The following MTCL1 variants were observed in gnomAD, a reference collection of about 807,000 sequenced individuals.
The protein encoded by MTCL1 is microtubule crosslinking factor 1, also known as microtubule cross-linking factor 1.
In MTCL1, 79 loss-of-function variants were observed where a neutral mutation model predicts 141.4. That is an observed-to-expected ratio of 0.56 (90% CI 0.47 to 0.67). The LOEUF (loss-of-function observed/expected upper bound fraction) is 0.67, where lower values mean the gene tolerates loss of function less well. MTCL1 is among the 30% of genes least tolerant of loss of function. The pLI is 0.00. For missense variants in MTCL1, 2,177 were observed against 2,113.9 expected, an observed-to-expected ratio of 1.03 and a Z score of -0.59; for synonymous variants, 914 against 875.8, an observed-to-expected ratio of 1.04 and a Z score of -0.77.
intron 4 of MTCL1, among the ~76,000 whole-genome samples, 172 bp from the exon 4 acceptor site, chr18:8,777,661 G>A (rs959351405): frequency 2.0e-5 from 3 of 152,182 alleles, no homozygotes; most frequent in Middle Eastern, 3.2e-3. Context: ...TTTACACATT[G>A]ATGCTTCTTG....
In MTCL1 at chr18:8,761,017, T is replaced by A. The variant is rs559274456; in HGVS notation, c.358-16816T>A. On this transcript the variant is annotated intron_variant, in intron 4 of 16. Coordinates refer to ENST00000359865, the Ensembl canonical transcript of MTCL1. ...TTTTAAATGTGTGTCACCATTTTTTTAAAAAGTAAGGTCTTTGGAGAAAAA... is the reference window on the plus strand; with the variant it reads ...TTTTAAATGTGTGTCACCATTTTTTAAAAAAGTAAGGTCTTTGGAGAAAAA... Among the ~76,000 whole-genome samples the A allele has an allele frequency of 1.2e-4, 18 of 152,342 alleles. No individual in the cohort carries two copies. In the South Asian group the frequency reaches 3.1e-3, roughly 26 times the overall value.
rs932572135 is a variant in MTCL1 at position 8,831,689 on chromosome 18, C to G, written c.*101C>G. On this transcript the variant is annotated 3_prime_UTR_variant, in exon 17 of 17. Transcript: ENST00000359865. ...AGACCAGCAAACCGTCGCCCTCCGT[C>G]CCGTTGGGCCCCACATTCCCCCACT... is the stretch of plus-strand genomic sequence containing the variant. 1.0e-5 allele frequency: 16 copies of G among 1,550,524 alleles called. No individual in the cohort carries two copies. The Middle Eastern group carries it at 6.7e-4, about 64-fold the overall frequency.
At chr18:8,792,780 A>G (rs1327368005) in intron 7 of MTCL1, among the ~76,000 whole-genome samples, 3 of 152,152 alleles carry the variant, frequency 2.0e-5, no homozygotes, top group African/African-American at 7.2e-5. Flanking sequence ...TAAGAGATGC[A>G]GGGCAGGTGG....
In MTCL1 at chr18:8,726,526, A is replaced by C. The variant is rs557617186; in HGVS notation, c.357+6030A>C. ...GCGCGCGCAAGAGCGAGCGAGAGAGAGCGAGTGCGCATGCGCGCGCGCAAC... is the reference window on the plus strand; with the variant it reads ...GCGCGCGCAAGAGCGAGCGAGAGAGCGCGAGTGCGCATGCGCGCGCGCAAC... On this transcript the variant is annotated intron_variant, in intron 4 of 16. Transcript: ENST00000359865. Among the ~76,000 whole-genome samples the C allele has an allele frequency of 6.4e-4, 77 of 120,674 alleles. 1 individual carries two copies. In the Middle Eastern group the frequency reaches 0.024, roughly 38 times the overall value. 79.2% of individuals were successfully genotyped at this position (120,674 alleles called of 152,430 possible).
At chr18:8,752,563 G>C (rs1337912405) in intron 4 of MTCL1, among the ~76,000 whole-genome samples, 1 of 152,186 alleles carries the variant, frequency 6.6e-6, no homozygotes, top group Non-Finnish European at 1.5e-5. Context: ...CTGTCTTAGA[G>C]GGCTGAGTTT....
Position 8,806,881 on chromosome 18 carries a change from G to A in MTCL1, c.2437-12G>A, listed in dbSNP as rs754126572. 1 of 1,611,576 alleles carries A rather than the reference G, an allele frequency of 6.2e-7. No individual in the cohort carries two copies. The highest frequency in any genetic ancestry group is 1.1e-5 in the South Asian group (1 of 91,036). On this transcript the variant is annotated splice_polypyrimidine_tract_variant and intron_variant, in intron 10 of 16. Coordinates refer to ENST00000359865, the Ensembl canonical transcript of MTCL1. ...AAAGGAGGTGGTGGAGCCTGACTCA[G>A]TGTTCCCGCAGGTGGTGGAAAACCA...
Position 8,743,037 on chromosome 18 carries a change from A to G in MTCL1, c.357+22541A>G, listed in dbSNP as rs552786411. ...TTATTAAAACTATTTAGAAAATTTGAATGAGTTACTTTAACTACTTGGGAA... is the reference window on the plus strand; with the variant it reads ...TTATTAAAACTATTTAGAAAATTTGGATGAGTTACTTTAACTACTTGGGAA... On this transcript the variant is annotated intron_variant, in intron 4 of 16. Transcript: ENST00000359865. Among the ~76,000 whole-genome samples, 76 of 152,354 alleles carry G rather than the reference A, an allele frequency of 5.0e-4. 1 individual carries two copies. The highest frequency in any genetic ancestry group is 1.7e-3 in the African/African-American group (72 of 41,574).
rs763229723 is a variant in MTCL1, at chr18:8,826,138, T to TAA, written c.4630_4631dup (p.Glu1545ArgfsTer37). ...AACAAGAAGCTGCTGGAACATGCCT[T>TAA]AAAGGAGGAGAGGAGGCAGGCTGCC... On this transcript the variant is annotated frameshift_variant, in exon 15 of 17. Coordinates refer to ENST00000359865, the Ensembl canonical transcript of MTCL1. LOFTEE classifies it high-confidence loss of function. 1.2e-6 allele frequency: 2 copies of TAA among 1,613,212 alleles called. No homozygotes were observed. Among genetic ancestry groups the TAA allele is most frequent in the Admixed American group, 3.3e-5 (2 of 59,944 alleles).
chr18:8,782,455 C>T (rs1180415327), intron 5 of MTCL1: 1 of 152,216 alleles, frequency 6.6e-6, no homozygotes, highest in Non-Finnish European at 1.5e-5. Flanking sequence ...GGGAGTTCAT[C>T]TGGCTTCAAA....
At chr18:8,809,742 C>T in intron 11 of MTCL1, 2 of 888,124 alleles carry the variant, frequency 2.3e-6, no homozygotes, top group Non-Finnish European at 3.3e-6. Context: ...GGGCGATGGG[C>T]CATCACTGAG....
intron 7 of MTCL1, chr18:8,786,364 C>A: frequency 1.5e-6 from 1 of 666,068 alleles, no homozygotes; most frequent in Non-Finnish European, 2.8e-6. Context: ...CCGGGAGCAC[C>A]TGGAAGTAGG....
intron 4 of MTCL1, among the ~76,000 whole-genome samples, chr18:8,730,972 C>T (rs552888383): frequency 3.6e-4 from 55 of 152,258 alleles, no homozygotes; most frequent in Non-Finnish European, 6.0e-4. Context: ...TGGCTGGGTG[C>T]GGTGGCTCAC....
chr18:8,827,901 C>T (rs760714709), intron 15 of MTCL1, among the ~76,000 whole-genome samples: 6 of 152,144 alleles, frequency 3.9e-5, no homozygotes, highest in Non-Finnish European at 8.8e-5. Flanking sequence ...TTTTGTCCTC[C>T]GTAAAGTATT....
intron 15 of MTCL1, among the ~76,000 whole-genome samples, chr18:8,827,887 C>T (rs1220955397): frequency 6.6e-6 from 1 of 152,188 alleles, no homozygotes; most frequent in African/African-American, 2.4e-5. Flanking sequence ...TGGCGCCCAA[C>T]CCCTTTTGTC....
Position 8,828,788 on chromosome 18 carries a change from G to C in MTCL1, c.4723-120G>C. The C allele has an allele frequency of 1.3e-6, 2 of 1,519,424 alleles. No homozygotes were observed. The allele number at this position is 1,519,424 out of a possible 1,614,324, so 94.1% of individuals were successfully genotyped here. On this transcript the variant is annotated intron_variant, in intron 15 of 16. Transcript: ENST00000359865. The surrounding 1 kb of genome is among the most constrained non-coding windows in gnomAD (Gnocchi z 5.2). The stretch of plus-strand genomic sequence containing the variant: ...AGTCTCTCCTGGTGGCTACCCCTGA[G>C]CGAGAGGGATGGTCCTCTACCTCCG...
chr18:8,782,131 GCTCT>G (rs1307471680), intron 5 of MTCL1: 1 of 152,234 alleles, frequency 6.6e-6, no homozygotes, highest in African/African-American at 2.4e-5. Flanking sequence ...AACGAGCCAT[GCTCT>G]CTGAGTGTAA....
At chr18:8,747,642 T>G (rs879895786) in intron 4 of MTCL1, among the ~76,000 whole-genome samples, 23 of 152,188 alleles carry the variant, frequency 1.5e-4, no homozygotes, top group Non-Finnish European at 1.0e-4. Context: ...AAGACTCTGT[T>G]TCCAAATAAG....
exon 7 of MTCL1, chr18:8,786,048 C>T (rs1383511995): frequency 1.3e-6 from 2 of 1,599,454 alleles, no homozygotes; most frequent in East Asian, 4.5e-5. Context: ...GACGGGGACA[C>T]CGGGAGCCAC....
In MTCL1 at chr18:8,706,427, C is replaced by T. The variant is rs1216668372; in HGVS notation, c.767C>T (p.Ala256Val). 7.3e-6 allele frequency: 9 copies of T among 1,227,454 alleles called. No individual in the cohort carries two copies. The African/African-American group carries it at 9.4e-5, about 13-fold the overall frequency. 76.0% of individuals were successfully genotyped at this position (1,227,454 alleles called of 1,614,324 possible). ...GGAGCGCCGACGCCGAGCCCCGCAG[C>T]CCGAGGAGCGCCGCCGGGCAGCCCC... is the stretch of plus-strand genomic sequence containing the variant. The change falls in exon 1 of 14, where the codon GCC (alanine) becomes GTC (valine). Residue 256 changes from alanine to valine, a missense_variant. By Grantham distance (64) the Ala-to-Val change is moderately conservative. Transcript: ENST00000306329.
Sources: gnomAD v4.1 joint callset for allele counts (sites outside exome capture counted in the v4.1 genomes callset) on GRCh38, gnomAD v4.1.1 for gene constraint, Gnocchi (gnomAD v3.1) non-coding constraint, MANE v1.5 for transcripts, NCBI Gene and HGNC (gene_info 2026-07-23, HGNC 2026-07-21) for gene names.